The following SHPRH variants were observed in gnomAD, a reference collection of about 807,000 sequenced individuals.
SHPRH encodes the protein SNF2 histone linker PHD RING helicase.
In SHPRH, 106 loss-of-function variants were observed where a neutral mutation model predicts 202.5. That is an observed-to-expected ratio of 0.52 (90% CI 0.45 to 0.62). The LOEUF (loss-of-function observed/expected upper bound fraction) is 0.62. Ranked by LOEUF, SHPRH falls within the 20% of genes least tolerant of loss-of-function variation. The probability of loss-of-function intolerance (pLI) is 0.00; values close to 1 mark genes in which losing one functional copy is unlikely to be tolerated. For synonymous variants in SHPRH, 729 were observed against 686.0 expected (o/e 1.06, Z -0.98); for missense variants, 1,710 against 2,020.0 (o/e 0.85, Z 2.94).
At chr6:145,927,751 A>G (rs1785017276) in intron 14 of SHPRH, among the ~76,000 whole-genome samples, 1 of 151,972 alleles carries the variant, frequency 6.6e-6, no homozygotes, top group Non-Finnish European at 1.5e-5. Flanking sequence ...AGAAAAATAT[A>G]GTATTCTTGG....
chr6:145,886,451 CA>C lies in SHPRH; in HGVS notation c.*239del. ...CATCAGATATAGATACTATTTGGGACAAAAAATAAATGTTTTATTAGGAGTG... is the reference window on the plus strand; with the variant it reads ...CATCAGATATAGATACTATTTGGGACAAAAATAAATGTTTTATTAGGAGTG... On this transcript the variant is annotated 3_prime_UTR_variant, in exon 30 of 30. Transcript: ENST00000275233. 2 of 833,364 alleles carry C rather than the reference CA, an allele frequency of 2.4e-6. No homozygotes were observed. Among genetic ancestry groups the C allele is most frequent in the Admixed American group, 1.8e-5 (1 of 54,334 alleles). The allele number at this position is 833,364 out of a possible 1,614,324, so 51.6% of individuals were successfully genotyped here. A position where few individuals can be genotyped will look rare whatever the true frequency, so the allele number is the denominator to read the frequency against.
Position 145,893,907 on chromosome 6 carries a change from C to G in SHPRH, c.4695+243G>C, listed in dbSNP as rs112440409. Among the ~76,000 whole-genome samples the G allele has an allele frequency of 4.1e-3, 626 of 151,034 alleles. 3 individuals are homozygous for G. Among genetic ancestry groups the G allele is most frequent in the African/African-American group, 0.014 (595 of 41,162 alleles). The stretch of plus-strand genomic sequence containing the variant: ...AAAGGTATATCATAGGCAATCTTTT[C>G]CTGTACTAAAAAAAAAAAAGAACCT... On this transcript the variant is annotated intron_variant, in intron 27 of 29. Coordinates refer to ENST00000275233, the MANE Select transcript of SHPRH (RefSeq NM_001042683.3).
chr6:145,907,837 A>C (rs1783109285), intron 25 of SHPRH: 1 of 152,154 alleles, frequency 6.6e-6, no homozygotes, highest in African/African-American at 2.4e-5. Flanking sequence ...TGTACAGAAT[A>C]TGCAGGCTTG....
Position 145,923,803 on chromosome 6 carries a change from G to A in SHPRH, c.3403-18C>T. ...GAATGAATCTGTAAAAAAGGTAGCA[G>A]TTAATCAATTAATACATTTTTTTTA... On this transcript the variant is annotated intron_variant, in intron 17 of 29. Transcript: ENST00000275233. 1.2e-6 allele frequency: 2 copies of A among 1,603,272 alleles called. No homozygotes were observed. The highest frequency in any genetic ancestry group is 8.5e-7 in the Non-Finnish European group (1 of 1,174,320).
In SHPRH at chr6:145,941,951, T is replaced by C. The variant is rs555628692; in HGVS notation, c.2239-77A>G. Reference sequence around the variant, plus strand: ...ATGAAATATTCACTCATTTATACCCTTACTAAGTCCTCTCTATTTTCTTAG... The same window carrying C: ...ATGAAATATTCACTCATTTATACCCCTACTAAGTCCTCTCTATTTTCTTAG... On this transcript the variant is annotated intron_variant, in intron 9 of 29. Transcript: ENST00000275233. 3.0e-5 allele frequency: 46 copies of C among 1,523,356 alleles called. No individual in the cohort carries two copies. In the Admixed American group the frequency reaches 8.3e-4, roughly 27 times the overall value. 94.4% of individuals were successfully genotyped at this position (1,523,356 alleles called of 1,614,324 possible). A position where few individuals can be genotyped will look rare whatever the true frequency, so the allele number is the denominator to read the frequency against.
intron 1 of SHPRH, among the ~76,000 whole-genome samples, chr6:145,962,172 G>A (rs1582853214): frequency 6.6e-6 from 1 of 152,272 alleles, no homozygotes; most frequent in East Asian, 1.9e-4. Flanking sequence ...AATCTTCCCT[G>A]GAAAGGCTTC....
intron 7 of SHPRH, 50 bp downstream of exon 7, chr6:145,946,183 A>G: frequency 9.5e-6 from 13 of 1,371,138 alleles, no homozygotes; most frequent in Non-Finnish European, 1.3e-5. Context: ...CAAGAACTCT[A>G]GCAAAGATCA....
intron 18 of SHPRH, among the ~76,000 whole-genome samples, chr6:145,923,154 C>T (rs1310178671): frequency 6.6e-6 from 1 of 151,836 alleles, no homozygotes; most frequent in East Asian, 1.9e-4. Flanking sequence ...AGCCTGACTA[C>T]AGATAGCCTT....
chr6:145,936,558 C>A lies in SHPRH; in HGVS notation c.2570-1117G>T, dbSNP rs1786090255. On this transcript the variant is annotated intron_variant, in intron 11 of 29. Transcript: ENST00000275233. Reference sequence around the variant, plus strand: ...CCCAGGCTGATCTTGAACTCCTGGGCTCAAGTGATCCTCCCACCTCAGCCT... The same window carrying A: ...CCCAGGCTGATCTTGAACTCCTGGGATCAAGTGATCCTCCCACCTCAGCCT... Among the ~76,000 whole-genome samples the A allele has an allele frequency of 2.0e-5, 3 of 152,090 alleles. No homozygotes were observed. In the South Asian group the frequency reaches 6.2e-4, roughly 32 times the overall value.
chr6:145,889,221 G>T (rs1781376072), intron 28 of SHPRH, among the ~76,000 whole-genome samples: 1 of 152,170 alleles, frequency 6.6e-6, no homozygotes, highest in East Asian at 1.9e-4. Context: ...AAAATTCATC[G>T]AAGGGGTGTA....
At chr6:145,926,932 G>A (rs778818906) in intron 15 of SHPRH, among the ~76,000 whole-genome samples, 1 of 151,896 alleles carries the variant, frequency 6.6e-6, no homozygotes, top group African/African-American at 2.4e-5. Flanking sequence ...CAAGTACTTT[G>A]AGCTATTTTT....
chr6:145,881,051 TTAGC>T (rs563700138), downstream of SHPRH, among the ~76,000 whole-genome samples: 56 of 152,354 alleles, frequency 3.7e-4, no homozygotes, highest in African/African-American at 1.3e-3. Flanking sequence ...AAATAGGTTA[TTAGC>T]TATTTCTATT....
intron 6 of SHPRH, 83 bp downstream of exon 6, chr6:145,947,410 A>G: frequency 6.9e-7 from 1 of 1,457,022 alleles, no homozygotes. Context: ...GTGTTGACTT[A>G]AGTGCCAAGC....
intron 25 of SHPRH, among the ~76,000 whole-genome samples, chr6:145,896,297 G>A (rs999227403): frequency 1.3e-5 from 2 of 151,988 alleles, no homozygotes; most frequent in Admixed American, 1.3e-4. Flanking sequence ...CAAGAGCGAA[G>A]AGAAAATAGG....
In SHPRH at chr6:145,876,143, G is replaced by A. The variant is rs536944575; in HGVS notation, c.222-11652C>T. On this transcript the variant is annotated intron_variant, in intron 2 of 2. Coordinates refer to the SHPRH transcript ENST00000417762. ...TCATTACTCCATAAAGAAACCCCAT[G>A]CCCATTAGCAGTCACTCCAGTTCCT... Among the ~76,000 whole-genome samples, 5 of 152,228 alleles carry A rather than the reference G, an allele frequency of 3.3e-5. No homozygotes were observed. The East Asian group carries it at 7.7e-4, about 24-fold the overall frequency.
rs772399061 is a variant in SHPRH, at chr6:145,913,533, G to C, written c.4271C>G (p.Ser1424Trp). 1 of 1,607,518 alleles carries C rather than the reference G, an allele frequency of 6.2e-7. No homozygotes were observed. Among genetic ancestry groups the C allele is most frequent in the African/African-American group, 1.3e-5 (1 of 74,516 alleles). Residue 1424 changes from serine to tryptophan, a missense_variant, in exon 24 of 30, where the codon TCG (serine) becomes TGG (tryptophan). Transcript: ENST00000275233. ...TNLEKSQDKT[S>W]GGVNPEPCPI... is the part of the protein sequence containing the mutation. ...GCAAGGTTCTGGATTAACACCTCCC[G>C]ATGTTTTATCTTGAGACTATCCAAA...
At chr6:145,949,731 GAC>G (rs937804606) in intron 4 of SHPRH, among the ~76,000 whole-genome samples, 1 of 151,972 alleles carries the variant, frequency 6.6e-6, no homozygotes, top group Non-Finnish European at 1.5e-5. Context: ...ATTGAAAAAA[GAC>G]AGCAATAAAG....
chr6:145,943,589 G>A lies in SHPRH; in HGVS notation c.1792C>T (p.Gln598Ter). The change falls in exon 9 of 30, where the codon CAA (glutamine) becomes TAA (stop). Residue 598 changes from glutamine to a stop codon, truncating the protein, a stop_gained. Coordinates refer to ENST00000275233, the MANE Select transcript of SHPRH (RefSeq NM_001042683.3). LOFTEE classifies it high-confidence loss of function. ...KSQPFINPDS[Q>*]GHCPATSDSG... Reference sequence around the variant, plus strand: ...TCGCTAGTAGCTGGACAGTGACCTTGTGAATCGGGATTGATAAATGGTTGA... The same window carrying A: ...TCGCTAGTAGCTGGACAGTGACCTTATGAATCGGGATTGATAAATGGTTGA... 6.2e-7 allele frequency: 1 copy of A among 1,613,934 alleles called. No individual in the cohort carries two copies. Among genetic ancestry groups the A allele is most frequent in the Non-Finnish European group, 8.5e-7 (1 of 1,179,892 alleles).
chr6:145,900,982 A>T (rs1782456521), intron 25 of SHPRH, among the ~76,000 whole-genome samples: 4 of 152,228 alleles, frequency 2.6e-5, no homozygotes, highest in Admixed American at 2.6e-4. Context: ...AAATTTTCTT[A>T]TCACAAAAAT....
Sources: gnomAD v4.1 joint callset for allele counts (sites outside exome capture counted in the v4.1 genomes callset) on GRCh38, gnomAD v4.1.1 for gene constraint, MANE v1.5 for transcripts, NCBI Gene and HGNC (gene_info 2026-07-23, HGNC 2026-07-21) for gene names.